Variants in AMZ1 observed in about 807,000 individuals in gnomAD.
AMZ1 encodes the protein archaelysin family metallopeptidase 1.
Under a neutral mutation model 29.9 loss-of-function variants are expected in AMZ1, and 39 were observed. The ratio of observed to expected loss-of-function variants is 1.30; its 90% CI spans 1.01 to 1.70. The LOEUF (loss-of-function observed/expected upper bound fraction) is 1.70, where lower values mean the gene tolerates loss of function less well. Ranked by LOEUF, AMZ1 falls within the 40% of genes most tolerant of loss-of-function variation. The pLI, the probability that AMZ1 is intolerant of heterozygous loss-of-function variation, is 0.00. For missense variants in AMZ1, 1,041 were observed against 680.6 expected, an observed-to-expected ratio of 1.53 and a Z score of -5.89; for synonymous variants, 458 against 304.0, an observed-to-expected ratio of 1.51 and a Z score of -5.27.
intron 1 of AMZ1, among the ~76,000 whole-genome samples, chr7:2,696,014 A>C (rs75794608): frequency 5.5e-5 from 4 of 72,406 alleles, no homozygotes; most frequent in African/African-American, 1.5e-4. Flanking sequence ...CTTGGGGGGG[A>C]AAAAAAAAAA....
At chr7:2,696,534 G>T (rs1344613776) in intron 1 of AMZ1, among the ~76,000 whole-genome samples, 2 of 150,996 alleles carry the variant, frequency 1.3e-5, no homozygotes, top group African/African-American at 4.9e-5. Context: ...TGTGATTACA[G>T]GCGTGAGCCA....
At chr7:2,696,257 A>ATTTT (rs527280174) in intron 1 of AMZ1, among the ~76,000 whole-genome samples, 78 of 122,046 alleles carry the variant, frequency 6.4e-4, no homozygotes, top group Middle Eastern at 4.3e-3. Context: ...CTTGATAGTC[A>ATTTT]TTTTTTTTTT....
Position 2,731,629 on chromosome 7 carries a change from G to C in AMZ1, n.550+21813G>C, listed in dbSNP as rs1377175911. 3 of 1,613,890 alleles carry C rather than the reference G, an allele frequency of 1.9e-6. No homozygotes were observed. Among genetic ancestry groups the C allele is most frequent in the Non-Finnish European group, 2.5e-6 (3 of 1,179,964 alleles). On this transcript the variant is annotated intron_variant and non_coding_transcript_variant, in intron 4 of 4. Coordinates refer to the AMZ1 transcript ENST00000489665. This position sits in a 1 kb window ranked among gnomAD's most constrained non-coding sequence, Gnocchi z 6.0. ...GCACTGGAACCACTTCTGGCGCTGG[G>C]ACCGCTGGCCGCCCACATCCACCAT...
chr7:2,696,420 C>T (rs1450409192), intron 1 of AMZ1, among the ~76,000 whole-genome samples: 1 of 150,550 alleles, frequency 6.6e-6, no homozygotes, highest in Non-Finnish European at 1.5e-5. Context: ...CCACGCCTGG[C>T]TAATTTTTTT....
chr7:2,709,283 G>A lies in AMZ1; in HGVS notation c.771+39G>A, dbSNP rs745313964. The A allele has an allele frequency of 9.5e-6, 14 of 1,474,938 alleles. No homozygotes were observed. The East Asian group carries it at 1.5e-4, about 15-fold the overall frequency. 91.4% of individuals were successfully genotyped at this position (1,474,938 alleles called of 1,614,324 possible). A position where few individuals can be genotyped will look rare whatever the true frequency, so the allele number is the denominator to read the frequency against. On this transcript the variant is annotated intron_variant, in intron 5 of 6. Coordinates refer to ENST00000683327, the MANE Select transcript of AMZ1 (RefSeq NM_001384743.1). The stretch of plus-strand genomic sequence containing the variant: ...CTGGGGCTGGTAAGAGGGGACAGGA[G>A]GGTGCTGTCTGAGCCCTTGGTGCCT...
upstream of AMZ1, among the ~76,000 whole-genome samples, chr7:2,687,441 G>GT (rs1787124885): frequency 6.6e-6 from 1 of 152,232 alleles, no homozygotes; most frequent in Non-Finnish European, 1.5e-5. Context: ...AGCAGAGCTG[G>GT]TGGGAGGCTG....
intron 4 of AMZ1, among the ~76,000 whole-genome samples, chr7:2,749,209 C>T (rs923399401): frequency 3.3e-5 from 5 of 152,178 alleles, no homozygotes; most frequent in African/African-American, 4.8e-5. Context: ...GACACATGCA[C>T]ACGTGTGTTT....
chr7:2,708,032 A>G (rs1420022112), intron 3 of AMZ1, among the ~76,000 whole-genome samples: 1 of 151,878 alleles, frequency 6.6e-6, no homozygotes, highest in Non-Finnish European at 1.5e-5. Context: ...CATGTTGGCC[A>G]GGCTGGTCTC....
At chr7:2,711,693 A>G (rs1315390930) in intron 6 of AMZ1, among the ~76,000 whole-genome samples, 2 of 152,086 alleles carry the variant, frequency 1.3e-5, no homozygotes, top group Non-Finnish European at 2.9e-5. Context: ...TGCTGGGATT[A>G]CAAGCGTGAG....
Position 2,702,833 on chromosome 7 carries a change from C to A in AMZ1, c.416C>A (p.Ser139Tyr). ...VKCLPSVAAASIRCSSRPSRD... is the reference protein window; with the variant it reads ...VKCLPSVAAAYIRCSSRPSRD... ...TGCCTGCCGTCGGTGGCAGCCGCGTCCATCCGCTGCTCCTCGCGGCCCAGC... is the reference window on the plus strand; with the variant it reads ...TGCCTGCCGTCGGTGGCAGCCGCGTACATCCGCTGCTCCTCGCGGCCCAGC... The change falls in exon 3 of 7, where the codon TCC (serine) becomes TAC (tyrosine). Residue 139 changes from serine (S) to tyrosine (Y), a missense_variant. Ser to Tyr is a moderately radical substitution (Grantham distance 144). Coordinates refer to ENST00000683327, the MANE Select transcript of AMZ1 (RefSeq NM_001384743.1). 6.3e-7 allele frequency: 1 copy of A among 1,575,500 alleles called. No individual in the cohort carries two copies. Among genetic ancestry groups the A allele is most frequent in the Non-Finnish European group, 8.6e-7 (1 of 1,166,140 alleles).
intron 2 of AMZ1, 104 bp downstream of exon 2, chr7:2,700,859 G>A: frequency 6.9e-7 from 1 of 1,443,944 alleles, no homozygotes; most frequent in South Asian, 1.3e-5. Flanking sequence ...CTGAAATGAG[G>A]GAAGAGGGTC....
chr7:2,703,902 T>C (rs1014623748), intron 3 of AMZ1, among the ~76,000 whole-genome samples: 1 of 152,240 alleles, frequency 6.6e-6, no homozygotes, highest in Admixed American at 6.5e-5. Flanking sequence ...GTACTTTTTT[T>C]TTCTGAGACA....
At chr7:2,734,158 T>G (rs948864355) in intron 4 of AMZ1, among the ~76,000 whole-genome samples, 1 of 152,082 alleles carries the variant, frequency 6.6e-6, no homozygotes, top group Non-Finnish European at 1.5e-5. Flanking sequence ...CGAAGGGCCC[T>G]GCGGAATCAC....
intron 4 of AMZ1, among the ~76,000 whole-genome samples, chr7:2,741,901 A>G (rs1030212767): frequency 4.0e-5 from 6 of 151,480 alleles, no homozygotes; most frequent in African/African-American, 1.5e-4. Context: ...AGGTTTATCT[A>G]ATATATACAG....
chr7:2,698,423 A>G (rs990640569), intron 1 of AMZ1, among the ~76,000 whole-genome samples: 6 of 152,088 alleles, frequency 3.9e-5, no homozygotes, highest in African/African-American at 1.4e-4. Flanking sequence ...CTGTAATCCC[A>G]GCCACTTGGG....
chr7:2,722,067 C>A (rs1307133409), downstream of AMZ1, among the ~76,000 whole-genome samples: 1 of 152,136 alleles, frequency 6.6e-6, no homozygotes, highest in South Asian at 2.1e-4. Flanking sequence ...CTGAAAGGCA[C>A]AGGCGCTAAA....
downstream of AMZ1, among the ~76,000 whole-genome samples, chr7:2,720,833 C>T (rs578162358): frequency 1.3e-5 from 2 of 152,154 alleles, no homozygotes; most frequent in Middle Eastern, 3.2e-3. Context: ...TATCTCTACA[C>T]TGAGCTAACT....
At chr7:2,735,788 G>C (rs890004798) in intron 4 of AMZ1, among the ~76,000 whole-genome samples, 2 of 152,170 alleles carry the variant, frequency 1.3e-5, no homozygotes, top group African/African-American at 2.4e-5. Context: ...TTTCATGTCA[G>C]GGCGGCCTCA....
At chr7:2,680,106 C>T (rs1786830644) in intron 1 of AMZ1, among the ~76,000 whole-genome samples, 1 of 152,094 alleles carries the variant, frequency 6.6e-6, no homozygotes, top group Admixed American at 6.5e-5. Flanking sequence ...TATAGCCGGC[C>T]TGGGTGGGGC....
Sources: allele counts gnomAD v4.1 joint callset (sites outside exome capture counted in the v4.1 genomes callset), GRCh38; gene constraint gnomAD v4.1.1; non-coding constraint Gnocchi (gnomAD v3.1); transcripts MANE v1.5; gene names NCBI Gene and HGNC (gene_info 2026-07-23, HGNC 2026-07-21).